XDH: variants seen among roughly 807,000 people sequenced by gnomAD.
The protein encoded by XDH is xanthine dehydrogenase.
In XDH, 138 loss-of-function variants were observed where a neutral mutation model predicts 156.1. The observed-to-expected ratio is 0.88, with a 90% CI of 0.77 to 1.02. The LOEUF (loss-of-function observed/expected upper bound fraction) is 1.02. XDH is among the 50% of genes least tolerant of loss of function. XDH has a pLI of 0.00. For missense variants in XDH, 1,849 were observed against 1,684.9 expected (o/e 1.10, Z -1.71); for synonymous variants, 669 against 625.7 (o/e 1.07, Z -1.03).
At chr2:31,337,496 T>C in intron 35 of XDH, 145 bp downstream of exon 35, 3 of 1,100,542 alleles carry the variant, frequency 2.7e-6, no homozygotes, top group Admixed American at 3.7e-5. Flanking sequence ...CTTCATACCA[T>C]GCACAATGAA....
At chr2:31,369,220 C>T (rs866359822) in intron 18 of XDH, among the ~76,000 whole-genome samples, 1 of 152,240 alleles carries the variant, frequency 6.6e-6, no homozygotes, top group Middle Eastern at 3.4e-3. Flanking sequence ...CACGTACTTA[C>T]AAGACATGAT....
At chr2:31,377,027 A>G in intron 14 of XDH, 26 bp downstream of exon 14, 1 of 1,614,008 alleles carries the variant, frequency 6.2e-7, no homozygotes, top group South Asian at 1.1e-5. Flanking sequence ...CATTAGCAGC[A>G]GTTTCATTGT....
intron 35 of XDH, among the ~76,000 whole-genome samples, chr2:31,336,312 C>T (rs1684969560): frequency 6.6e-6 from 1 of 152,240 alleles, no homozygotes; most frequent in African/African-American, 2.4e-5. Flanking sequence ...GAATCAGCTG[C>T]TCATGCAAAT....
At chr2:31,411,541 G>A (rs957345468) in intron 1 of XDH, among the ~76,000 whole-genome samples, 5 of 151,942 alleles carry the variant, frequency 3.3e-5, no homozygotes, top group African/African-American at 9.7e-5. Flanking sequence ...GTACATAAAG[G>A]GTATTTAGTA....
At chr2:31,339,255 G>A (rs1381581450) in intron 34 of XDH, among the ~76,000 whole-genome samples, 1 of 152,160 alleles carries the variant, frequency 6.6e-6, no homozygotes, top group Non-Finnish European at 1.5e-5. Flanking sequence ...TTCACCCAAA[G>A]AAGTGGGCTT....
Position 31,375,506 on chromosome 2 carries a change from C to A in XDH, c.1476G>T (p.Glu492Asp). Residue 492 changes from glutamate to aspartate, a missense_variant, in exon 15 of 36, where the codon GAG (glutamate) becomes GAT (aspartate). Physicochemically the swap from Glu to Asp is conservative, Grantham distance 45. Coordinates refer to ENST00000379416, the MANE Select transcript of XDH (RefSeq NM_000379.4). ...LLQDVCAGLA[E>D]ELHLPPDAPG... ...GGGCATCGGGAGGCAGATGCAGCTCCTCTGCCAGTCCTGCACACACGTCCT... is the reference window on the plus strand; with the variant it reads ...GGGCATCGGGAGGCAGATGCAGCTCATCTGCCAGTCCTGCACACACGTCCT... The A allele has an allele frequency of 6.2e-7, 1 of 1,614,070 alleles. No homozygotes were observed. The highest frequency in any genetic ancestry group is 1.1e-5 in the South Asian group (1 of 91,074).
At chr2:31,339,785 T>C (rs2148748681) in intron 33 of XDH, 108 bp from the exon 34 acceptor site, 1 of 1,387,152 alleles carries the variant, frequency 7.2e-7, no homozygotes, top group Non-Finnish European at 9.9e-7. Context: ...GCCTGGAATG[T>C]AGCTAAAACT....
At chr2:31,376,503 T>C (rs1222838779) in intron 14 of XDH, among the ~76,000 whole-genome samples, 1 of 149,338 alleles carries the variant, frequency 6.7e-6, no homozygotes, top group African/African-American at 2.4e-5. Context: ...GAAGCAGTAA[T>C]GTTATTAGTA....
At chr2:31,393,338 T>G (rs1385393807) in intron 6 of XDH, among the ~76,000 whole-genome samples, 1 of 152,256 alleles carries the variant, frequency 6.6e-6, no homozygotes, top group Non-Finnish European at 1.5e-5. Context: ...CATTAAGGAC[T>G]GTTATATCTT....
chr2:31,375,422 G>A lies in XDH; in HGVS notation c.1560C>T (p.Tyr520=), dbSNP rs1002122930. 1 of 1,614,174 alleles carries A rather than the reference G, an allele frequency of 6.2e-7. No homozygotes were observed. Among genetic ancestry groups the A allele is most frequent in the South Asian group, 1.1e-5 (1 of 91,084 alleles). The change falls in exon 15 of 36, where the codon TAC becomes TAT. Residue 520 remains tyrosine (Y), a synonymous_variant. Transcript: ENST00000379416. ...GGCCCAGCTTCTGAAGGACTGTCAG[G>A]TAGAACTTGAAGAAGAAGCTGAGGG... ...TLTLSFFFKF[Y]LTVLQKLGQE... is the part of the protein sequence containing the mutation.
intron 32 of XDH, 56 bp from the exon 33 acceptor site, chr2:31,341,450 T>C (rs1685123173): frequency 4.0e-6 from 6 of 1,518,290 alleles, no homozygotes; most frequent in African/African-American, 1.4e-5. Context: ...GTTTGGAATA[T>C]GACAGATGAC....
chr2:31,409,400 C>A (rs1208299621), intron 1 of XDH, among the ~76,000 whole-genome samples: 1 of 151,940 alleles, frequency 6.6e-6, no homozygotes, highest in Non-Finnish European at 1.5e-5. Flanking sequence ...TCTCATGTAC[C>A]CCATAAATAT....
At chr2:31,375,612 G>A in intron 14 of XDH, 58 bp from the exon 15 acceptor site, 2 of 1,577,544 alleles carry the variant, frequency 1.3e-6, no homozygotes, top group Non-Finnish European at 1.7e-6. Flanking sequence ...ACCCCTTTGT[G>A]TAGAGCTGTG....
At chr2:31,398,499 C>T (rs1348364920) in intron 5 of XDH, 74 bp downstream of exon 5, 2 of 1,608,422 alleles carry the variant, frequency 1.2e-6, no homozygotes, top group African/African-American at 1.3e-5. Flanking sequence ...TGCTTCTCAC[C>T]CTGGCACTTG....
At chr2:31,343,753 G>A (rs889035674) in intron 31 of XDH, among the ~76,000 whole-genome samples, 2 of 146,844 alleles carry the variant, frequency 1.4e-5, no homozygotes, top group South Asian at 2.2e-4. Context: ...CATATATAGG[G>A]CATATAAATG....
rs1021286824 is a variant in XDH, at chr2:31,335,310, T to C, written c.*648A>G. The C allele has an allele frequency of 6.4e-6, 1 of 155,712 alleles. No individual in the cohort carries two copies. Among genetic ancestry groups the C allele is most frequent in the South Asian group, 2.0e-4 (1 of 5,126 alleles). 9.6% of individuals were successfully genotyped at this position (155,712 alleles called of 1,614,324 possible). On this transcript the variant is annotated 3_prime_UTR_variant, in exon 36 of 36. Coordinates refer to ENST00000379416, the MANE Select transcript of XDH (RefSeq NM_000379.4). The stretch of plus-strand genomic sequence containing the variant: ...GAAGGGAAAGAAATCTAGAACATTG[T>C]ACGTGCTCAATAATTGAGTTGGTTG...
chr2:31,388,234 T>C lies in XDH; in HGVS notation c.557A>G (p.Asp186Gly). ...NPNCCMNQKK[D>G]HSVSLSPSLF... The stretch of plus-strand genomic sequence containing the variant: ...GGAGAAGAACTCACTTACTGAGTGG[T>C]CTTTCTTCTGGTTCATGCAGCAATT... The change falls in exon 7 of 36, where the codon GAC becomes GGC. Residue 186 changes from aspartate to glycine, a missense_variant. Coordinates refer to ENST00000379416, the MANE Select transcript of XDH (RefSeq NM_000379.4). 1.2e-6 allele frequency: 2 copies of C among 1,614,180 alleles called. No individual in the cohort carries two copies. The highest frequency in any genetic ancestry group is 1.7e-6 in the Non-Finnish European group (2 of 1,180,018).
chr2:31,344,181 T>C (rs207450), intron 31 of XDH, among the ~76,000 whole-genome samples: 4 of 152,120 alleles, frequency 2.6e-5, no homozygotes, highest in African/African-American at 7.2e-5. Flanking sequence ...TATTAATAAG[T>C]TTCCACTGTA....
chr2:31,409,280 T>A (rs1438474282), intron 1 of XDH, among the ~76,000 whole-genome samples: 2 of 152,108 alleles, frequency 1.3e-5, no homozygotes, highest in African/African-American at 4.8e-5. Flanking sequence ...TAAAAATAAC[T>A]AAAAAAGTAT....
Sources: gnomAD v4.1 joint callset for allele counts (sites outside exome capture counted in the v4.1 genomes callset) on GRCh38, gnomAD v4.1.1 for gene constraint, MANE v1.5 for transcripts, NCBI Gene and HGNC (gene_info 2026-07-23, HGNC 2026-07-21) for gene names.